The following UST variants were observed in gnomAD, a reference collection of about 807,000 sequenced individuals.
UST encodes the protein chondroitin sulfate 2-O-sulfotransferase.
In UST, 21 loss-of-function variants were observed where a neutral mutation model predicts 45.6. The ratio of observed to expected loss-of-function variants is 0.46; its 90% CI spans 0.33 to 0.66. The LOEUF (loss-of-function observed/expected upper bound fraction) is 0.66, where lower values mean the gene tolerates loss of function less well. Among genes scored for constraint, UST ranks in the 30% least tolerant of loss-of-function variants. The pLI is 0.02. For missense variants in UST, 463 were observed against 512.4 expected (o/e 0.90, Z 0.93); for synonymous variants, 215 against 200.6 (o/e 1.07, Z -0.61).
chr6:148,978,435 G>A (rs6929447), intron 5 of UST, among the ~76,000 whole-genome samples: 108,540 of 151,972 alleles, frequency 0.71, 39,007 homozygotes, highest in South Asian at 0.79. Flanking sequence ...ATGCCCATCA[G>A]TGACAGACTA....
At chr6:148,888,404 A>G (rs1778950547) in intron 2 of UST, among the ~76,000 whole-genome samples, 2 of 152,222 alleles carry the variant, frequency 1.3e-5, no homozygotes, top group Non-Finnish European at 2.9e-5. Flanking sequence ...AATCAGCCCC[A>G]AAGTATGTTT....
Position 148,949,436 on chromosome 6 carries a change from T to TAA in UST, c.448-4436_448-4435insAA, listed in dbSNP as rs1562309750. 3.4e-3 allele frequency among the ~76,000 whole-genome samples: 170 copies of TAA among 50,390 alleles called. 3 individuals carry two copies. The South Asian group carries it at 0.047, about 14-fold the overall frequency. The allele number at this position is 50,390 out of a possible 152,430, so 33.1% of individuals were successfully genotyped here. ...AATAATAATAATAATAATAATAATA[T>TAA]TACTTATTCATGGGGTTCTTGTGAG... is the stretch of plus-strand genomic sequence containing the variant. On this transcript the variant is annotated intron_variant, in intron 3 of 7. Coordinates refer to ENST00000367463, the MANE Select transcript of UST (RefSeq NM_005715.3).
chr6:148,983,918 A>ATG (rs1781187350), intron 5 of UST, among the ~76,000 whole-genome samples: 1 of 152,210 alleles, frequency 6.6e-6, no homozygotes, highest in Non-Finnish European at 1.5e-5. Flanking sequence ...GTACACATGC[A>ATG]TGTGTACAAA....
At position 148,954,191 on chromosome 6, in the gene UST, C is replaced by T. The variant is rs184425818; in HGVS notation, c.527+240C>T. Among the ~76,000 whole-genome samples the T allele has an allele frequency of 5.0e-3, 761 of 152,186 alleles. 5 individuals carry two copies. The highest frequency in any genetic ancestry group is 7.2e-3 in the Non-Finnish European group (487 of 68,008). ...TATTTTTAATGAGAAGCCATTTGACCTAATAGCTCTTTTTTAAAAAGGAAT... is the reference window on the plus strand; with the variant it reads ...TATTTTTAATGAGAAGCCATTTGACTTAATAGCTCTTTTTTAAAAAGGAAT... On this transcript the variant is annotated intron_variant, in intron 4 of 7. Coordinates refer to ENST00000367463, the MANE Select transcript of UST (RefSeq NM_005715.3).
intron 1 of UST, among the ~76,000 whole-genome samples, chr6:148,826,303 G>A (rs1777566762): frequency 6.6e-6 from 1 of 152,138 alleles, no homozygotes; most frequent in Non-Finnish European, 1.5e-5. Flanking sequence ...AGTAGAGATG[G>A]GGTTTCGCCA....
intron 1 of UST, among the ~76,000 whole-genome samples, chr6:148,853,993 A>G (rs1778154703): frequency 6.6e-6 from 1 of 152,218 alleles, no homozygotes; most frequent in South Asian, 2.1e-4. Context: ...CATATAACAA[A>G]GTTCTTTCTT....
chr6:148,903,981 G>C (rs539126601), intron 2 of UST, among the ~76,000 whole-genome samples: 6 of 152,324 alleles, frequency 3.9e-5, no homozygotes, highest in African/African-American at 1.4e-4. Context: ...ACTGGCTGGA[G>C]AACATTCAGA....
intron 1 of UST, among the ~76,000 whole-genome samples, chr6:148,771,396 C>T (rs1245640649): frequency 1.3e-5 from 2 of 152,212 alleles, no homozygotes; most frequent in Non-Finnish European, 2.9e-5. Flanking sequence ...AGCTGTTCAG[C>T]CTTCCAACGC....
rs184020356 is a variant in UST, at chr6:148,854,017, A to T, written c.248-32969A>T. On this transcript the variant is annotated intron_variant, in intron 1 of 7. Transcript: ENST00000367463. ...AAGTTCTTTCTTTCTTCCCTAACAG[A>T]TATCACACATGATGAAGTCTGATAG... Among the ~76,000 whole-genome samples the T allele has an allele frequency of 3.2e-3, 487 of 152,366 alleles. 1 individual carries two copies. The highest frequency in any genetic ancestry group is 0.02 in the Middle Eastern group (6 of 294).
intron 1 of UST, among the ~76,000 whole-genome samples, chr6:148,838,951 T>A (rs1468046410): frequency 6.6e-6 from 1 of 152,206 alleles, no homozygotes; most frequent in Admixed American, 6.5e-5. Flanking sequence ...TGCCCCCATA[T>A]GCAGCTGCCC....
Position 149,061,296 on chromosome 6 carries a change from G to A in UST, c.938-12537G>A, listed in dbSNP as rs534024962. Among the ~76,000 whole-genome samples the A allele has an allele frequency of 2.6e-5, 4 of 152,320 alleles. No homozygotes were observed. The East Asian group carries it at 5.8e-4, about 22-fold the overall frequency. ...AAGTGGGACTCCCAGGAACAGGTCT[G>A]TGATTTCCTTTCTATTTACATTAAA... On this transcript the variant is annotated intron_variant, in intron 7 of 7. Transcript: ENST00000367463.
intron 1 of UST, among the ~76,000 whole-genome samples, chr6:148,751,387 G>T (rs1264818019): frequency 6.6e-6 from 1 of 152,208 alleles, no homozygotes; most frequent in Non-Finnish European, 1.5e-5. Context: ...GGTGTGACGT[G>T]AGGAGTAGGC....
At chr6:148,859,655 C>T (rs1482407777) in intron 1 of UST, among the ~76,000 whole-genome samples, 11 of 152,000 alleles carry the variant, frequency 7.2e-5, no homozygotes, top group South Asian at 2.1e-4. Flanking sequence ...TAATCCATCT[C>T]GAATTAATTT....
intron 1 of UST, among the ~76,000 whole-genome samples, chr6:148,766,753 A>T (rs760830822): frequency 2.0e-5 from 3 of 152,214 alleles, no homozygotes; most frequent in African/African-American, 7.2e-5. Flanking sequence ...GAATACAGAT[A>T]TGTGTTCATT....
intron 1 of UST, among the ~76,000 whole-genome samples, chr6:148,752,507 G>A (rs937708200): frequency 6.6e-5 from 10 of 152,300 alleles, no homozygotes; most frequent in Middle Eastern, 3.4e-3. Context: ...ATGGTAATCC[G>A]TTCTGTAAAC....
At chr6:148,780,962 C>CTG (rs1776632594) in intron 1 of UST, among the ~76,000 whole-genome samples, 1 of 152,098 alleles carries the variant, frequency 6.6e-6, no homozygotes, top group Non-Finnish European at 1.5e-5. Flanking sequence ...CTCCACCTAC[C>CTG]TGTGGTTCCC....
At chr6:148,996,909 TA>T (rs1562324600) in intron 5 of UST, among the ~76,000 whole-genome samples, 1 of 152,246 alleles carries the variant, frequency 6.6e-6, no homozygotes, top group Non-Finnish European at 1.5e-5. Flanking sequence ...ACACAGCCTT[TA>T]TTTTTTATGT....
chr6:148,839,036 T>A (rs1459157410), intron 1 of UST, among the ~76,000 whole-genome samples: 1 of 152,190 alleles, frequency 6.6e-6, no homozygotes, highest in Non-Finnish European at 1.5e-5. Context: ...CCTACTATAT[T>A]TTAGACCAAG....
chr6:148,900,088 T>A (rs373494602), intron 2 of UST, among the ~76,000 whole-genome samples: 14 of 152,244 alleles, frequency 9.2e-5, no homozygotes, highest in Admixed American at 7.2e-4. Context: ...TTTTGTAAAT[T>A]TATTTACATA....
Sources: gnomAD v4.1 joint callset for allele counts (sites outside exome capture counted in the v4.1 genomes callset) on GRCh38, gnomAD v4.1.1 for gene constraint, MANE v1.5 for transcripts, NCBI Gene and HGNC (gene_info 2026-07-23, HGNC 2026-07-21) for gene names.